LRRC37A2: variants seen among roughly 807,000 people sequenced by gnomAD.
LRRC37A2 encodes the protein leucine-rich repeat-containing protein 37A2.
LRRC37A2 carries 9 observed loss-of-function variants against 68.8 expected under a neutral mutation model. The ratio of observed to expected loss-of-function variants is 0.13; its 90% confidence interval spans 0.08 to 0.23. LRRC37A2 has a LOEUF of 0.23. Among genes scored for constraint, LRRC37A2 ranks in the 10% least tolerant of loss-of-function variants. The pLI is 1.00. For synonymous variants in LRRC37A2, 63 were observed against 367.6 expected (o/e 0.17, Z 9.48); for missense variants, 168 against 950.4 (o/e 0.18, Z 10.82).
chr17:46,755,827 T>C, the LRRC37A2 span: 3 of 1,611,832 alleles, frequency 1.9e-6, no homozygotes, highest in Non-Finnish European at 1.7e-6. Context: ...TGATTGAAAA[T>C]GAACTATTTG....
At chr17:46,631,026 C>T in the LRRC37A2 span, among the ~76,000 whole-genome samples, 1 of 142,494 alleles carries the variant, frequency 7.0e-6, no homozygotes, top group South Asian at 2.1e-4. Flanking sequence ...CATTCTGGCT[C>T]CCTGTCTTCC....
chr17:46,874,924 A>G, the LRRC37A2 span: 2 of 929,014 alleles, frequency 2.2e-6, no homozygotes, highest in South Asian at 1.4e-5. Context: ...TTTAAGGGGC[A>G]GTTGACAGGG....
the LRRC37A2 span, among the ~76,000 whole-genome samples, chr17:46,969,741 A>G: frequency 1.3e-5 from 2 of 152,218 alleles, no homozygotes; most frequent in South Asian, 4.1e-4. Context: ...ACTTCAAACC[A>G]GTGAGATGGG....
chr17:46,905,069 C>G, the LRRC37A2 span, among the ~76,000 whole-genome samples: 2 of 150,684 alleles, frequency 1.3e-5, no homozygotes, highest in African/African-American at 2.5e-5. Flanking sequence ...GAGAAAAGAC[C>G]TTTTTTTTTC....
At chr17:46,980,400 C>CTTCT in the LRRC37A2 span, among the ~76,000 whole-genome samples, 1 of 150,426 alleles carries the variant, frequency 6.6e-6, no homozygotes, top group Non-Finnish European at 1.5e-5. Context: ...TCTCTTCTTT[C>CTTCT]TTCTTTCTTT....
chr17:46,932,095 C>T, the LRRC37A2 span: 1 of 1,613,436 alleles, frequency 6.2e-7, no homozygotes, highest in East Asian at 2.2e-5. Context: ...GTATGATGTC[C>T]AGCACCTGCA....
At chr17:46,719,174 A>G in the LRRC37A2 span, among the ~76,000 whole-genome samples, 77 of 152,316 alleles carry the variant, frequency 5.1e-4, no homozygotes, top group African/African-American at 1.8e-3. The surrounding 1 kb of genome is among the most constrained non-coding windows in gnomAD (Gnocchi z 4.3). Context: ...TAAATGCTCA[A>G]ATTTAAGATT....
At chr17:46,946,850 G>A in the LRRC37A2 span, among the ~76,000 whole-genome samples, 1 of 152,328 alleles carries the variant, frequency 6.6e-6, no homozygotes, top group African/African-American at 2.4e-5. Flanking sequence ...GTGACGAAAT[G>A]AGACTCTGTT....
chr17:46,710,822 G>T, the LRRC37A2 span: 1 of 678,378 alleles, frequency 1.5e-6, no homozygotes, highest in Non-Finnish European at 2.2e-6. Context: ...AATTATACAA[G>T]TTGTTTTGCT....
At chr17:46,796,586 C>G in the LRRC37A2 span, among the ~76,000 whole-genome samples, 1 of 152,212 alleles carries the variant, frequency 6.6e-6, no homozygotes, top group Non-Finnish European at 1.5e-5. Context: ...CACAGAGAGG[C>G]AAGCGCAACT....
At chr17:46,823,166 T>TTA in the LRRC37A2 span, among the ~76,000 whole-genome samples, 4 of 128,534 alleles carry the variant, frequency 3.1e-5, no homozygotes, top group African/African-American at 1.3e-4. Context: ...ATATTATATA[T>TTA]TATATATTTA....
the LRRC37A2 span, among the ~76,000 whole-genome samples, chr17:46,986,119 A>C: frequency 1.1e-4 from 17 of 151,590 alleles, no homozygotes; most frequent in African/African-American, 3.9e-4. Context: ...TACATTGTGA[A>C]TTTCCCTGGG....
chr17:46,883,294 T>C, the LRRC37A2 span, among the ~76,000 whole-genome samples: 2 of 149,538 alleles, frequency 1.3e-5, no homozygotes, highest in Admixed American at 1.3e-4. Flanking sequence ...TTTTTTTTTT[T>C]CCTTTGTGAG....
the LRRC37A2 span, among the ~76,000 whole-genome samples, chr17:46,478,716 T>C: frequency 8.9e-6 from 1 of 112,032 alleles, no homozygotes; most frequent in African/African-American, 3.0e-5. Flanking sequence ...AGTGAACGCA[T>C]GTCAGATATG....
At chr17:46,755,369 CGTAAG>C in the LRRC37A2 span, 1 of 1,611,580 alleles carries the variant, frequency 6.2e-7, no homozygotes, top group East Asian at 2.2e-5. Flanking sequence ...GAAGAAGGAG[CGTAAG>C]TACATACAAC....
At chr17:46,879,829 G>A in the LRRC37A2 span, among the ~76,000 whole-genome samples, 1 of 152,134 alleles carries the variant, frequency 6.6e-6, no homozygotes, top group South Asian at 2.1e-4. Context: ...TGGCATGTTG[G>A]CACTTCCCCC....
chr17:46,785,072 C>T, the LRRC37A2 span, among the ~76,000 whole-genome samples: 261 of 152,246 alleles, frequency 1.7e-3, 1 homozygote, highest in African/African-American at 5.3e-3. Flanking sequence ...CCACCGTGCC[C>T]GGCCTCCCCT....
chr17:46,711,614 C>T, the LRRC37A2 span, among the ~76,000 whole-genome samples: 1 of 152,100 alleles, frequency 6.6e-6, no homozygotes, highest in South Asian at 2.1e-4. Context: ...TTAATCTAGG[C>T]CTTGAAAGAC....
At chr17:46,894,686 G>GC in the LRRC37A2 span, among the ~76,000 whole-genome samples, 3 of 152,278 alleles carry the variant, frequency 2.0e-5, 1 homozygote, top group South Asian at 4.1e-4. Context: ...CCGCCAGCCG[G>GC]CCCCCCTCCT....
Sources: allele counts gnomAD v4.1 joint callset (sites outside exome capture counted in the v4.1 genomes callset), GRCh38; gene constraint gnomAD v4.1.1; non-coding constraint Gnocchi (gnomAD v3.1); transcripts MANE v1.5; gene names NCBI Gene and HGNC (gene_info 2026-07-23, HGNC 2026-07-21).